Variants in ZBTB40 observed in about 807,000 individuals in gnomAD.
ZBTB40 encodes the protein zinc finger and BTB domain-containing protein 40.
Under a neutral mutation model 117.5 loss-of-function variants are expected in ZBTB40, and 60 were observed. The observed-to-expected ratio is 0.51, with a 90% confidence interval of 0.41 to 0.63. ZBTB40 has a LOEUF of 0.63. ZBTB40 is among the 30% of genes least tolerant of loss of function. ZBTB40 has a pLI of 0.00. For synonymous variants in ZBTB40, 525 were observed against 577.1 expected, an observed-to-expected ratio of 0.91 and a Z score of 1.29; for missense variants, 1,287 against 1,498.5, an observed-to-expected ratio of 0.86 and a Z score of 2.33.
intron 5 of ZBTB40, among the ~76,000 whole-genome samples, chr1:22,502,646 A>AATGG (rs376269824): frequency 7.0e-4 from 107 of 152,022 alleles, no homozygotes; most frequent in Admixed American, 2.0e-3. Context: ...CCATAAGGAA[A>AATGG]ATGGATGGAT....
At chr1:22,479,218 A>G (rs773809489) in intron 1 of ZBTB40, among the ~76,000 whole-genome samples, 23 of 152,222 alleles carry the variant, frequency 1.5e-4, no homozygotes, top group Non-Finnish European at 2.6e-4. Flanking sequence ...TGGTCACTCA[A>G]CGTTCTCACC....
rs144596481 is a variant in ZBTB40 at position 22,459,435 on chromosome 1, G to C, written c.-70+7431G>C. Among the ~76,000 whole-genome samples the C allele has an allele frequency of 9.7e-3, 1,475 of 152,304 alleles. 29 individuals are homozygous for C. The highest frequency in any genetic ancestry group is 0.034 in the African/African-American group (1,393 of 41,560). ...TTATCTTTATCCCAATGGCCAGTCAGTTGTCTCAACAGTACTTATTAAAAA... is the reference window on the plus strand; with the variant it reads ...TTATCTTTATCCCAATGGCCAGTCACTTGTCTCAACAGTACTTATTAAAAA... On this transcript the variant is annotated intron_variant, in intron 1 of 17. Coordinates refer to ENST00000375647, the MANE Select transcript of ZBTB40 (RefSeq NM_014870.4).
chr1:22,491,288 A>C (rs959081537), intron 2 of ZBTB40, 112 bp from the exon 3 acceptor site: 26 of 1,032,920 alleles, frequency 2.5e-5, no homozygotes, highest in Non-Finnish European at 3.1e-5. Context: ...TGTGCTAGAC[A>C]GAGATCAGTT....
chr1:22,506,734 C>T (rs1397136364), intron 6 of ZBTB40, among the ~76,000 whole-genome samples: 2 of 152,176 alleles, frequency 1.3e-5, no homozygotes, highest in Non-Finnish European at 2.9e-5. Context: ...CTCAAGCCAA[C>T]TCTTCCCTGT....
intron 3 of ZBTB40, among the ~76,000 whole-genome samples, chr1:22,497,022 A>G (rs115095313): frequency 6.6e-6 from 1 of 152,192 alleles, no homozygotes; most frequent in Non-Finnish European, 1.5e-5. Context: ...CAAGAATGCA[A>G]ATGCTGAAGA....
At chr1:22,510,220 G>T (rs1569867636) in intron 9 of ZBTB40, among the ~76,000 whole-genome samples, 2 of 152,210 alleles carry the variant, frequency 1.3e-5, no homozygotes, top group Admixed American at 1.3e-4. Flanking sequence ...GTGCCCTTTT[G>T]ATTCAGGTAG....
intron 1 of ZBTB40, among the ~76,000 whole-genome samples, chr1:22,474,943 T>TAAAAA (rs57704010): frequency 9.8e-4 from 139 of 141,168 alleles, no homozygotes; most frequent in African/African-American, 3.0e-3. Flanking sequence ...GTACCAACAA[T>TAAAAA]AAAAAAAAAA....
At chr1:22,519,836 G>C (rs1319290288) in intron 13 of ZBTB40, 3 of 609,476 alleles carry the variant, frequency 4.9e-6, no homozygotes, top group Non-Finnish European at 8.9e-6. Flanking sequence ...GAGACAGTTA[G>C]TCTTGAAACC....
upstream of ZBTB40, among the ~76,000 whole-genome samples, chr1:22,448,411 C>A (rs1305026403): frequency 1.3e-5 from 2 of 152,160 alleles, no homozygotes; most frequent in Non-Finnish European, 2.9e-5. Context: ...TGATACGTTG[C>A]TGCTAAGTGC....
intron 1 of ZBTB40, among the ~76,000 whole-genome samples, chr1:22,457,549 C>T (rs1413744443): frequency 6.6e-6 from 1 of 152,158 alleles, no homozygotes; most frequent in Non-Finnish European, 1.5e-5. Flanking sequence ...GCTGCAGGCA[C>T]TAGCGTGGTT....
At chr1:22,514,503 G>A (rs968034672) in intron 12 of ZBTB40, among the ~76,000 whole-genome samples, 5 of 152,032 alleles carry the variant, frequency 3.3e-5, no homozygotes, top group African/African-American at 9.7e-5. Context: ...CCTCAGGCCC[G>A]CAGGCACCTG....
At chr1:22,515,029 A>G (rs1362015868) in intron 12 of ZBTB40, among the ~76,000 whole-genome samples, 2 of 152,238 alleles carry the variant, frequency 1.3e-5, no homozygotes, top group Non-Finnish European at 2.9e-5. Flanking sequence ...AAGAAGCATA[A>G]AGCAGGGTAC....
intron 1 of ZBTB40, among the ~76,000 whole-genome samples, chr1:22,486,717 TTTTTGTTTTGTTTTG>T (rs199723095): frequency 3.4e-4 from 5 of 14,786 alleles, no homozygotes; most frequent in South Asian, 4.4e-3. Flanking sequence ...TCATACATTT[TTTTTGTTTTGTTTTG>T]TTTTGTTTTG....
chr1:22,520,282 T>G lies in ZBTB40; in HGVS notation c.3048+7T>G, dbSNP rs201836711. Reference sequence around the variant, plus strand: ...CTGCAACAAGGCCTACCAGGTGACCTCAGGTGCCACTGGGAGCTCTTCCCC... The same window carrying G: ...CTGCAACAAGGCCTACCAGGTGACCGCAGGTGCCACTGGGAGCTCTTCCCC... On this transcript the variant is annotated splice_region_variant and intron_variant, in intron 14 of 17. Coordinates refer to ENST00000375647, the MANE Select transcript of ZBTB40 (RefSeq NM_014870.4). 6.0e-5 allele frequency: 96 copies of G among 1,608,348 alleles called. No homozygotes were observed. The highest frequency in any genetic ancestry group is 2.3e-4 in the Admixed American group (14 of 60,010).
chr1:22,491,700 T>C lies in ZBTB40; in HGVS notation c.831+167T>C, dbSNP rs185984370. 1.8e-4 allele frequency among the ~76,000 whole-genome samples: 28 copies of C among 152,168 alleles called. No individual in the cohort carries two copies. The East Asian group carries it at 5.2e-3, about 28-fold the overall frequency. ...CTAAAGGGCAGTCTTGCAAAAGTAC[T>C]TAGGCAGGATACTTTCAAAATGACA... On this transcript the variant is annotated intron_variant, in intron 3 of 17. Coordinates refer to ENST00000375647, the MANE Select transcript of ZBTB40 (RefSeq NM_014870.4).
intron 1 of ZBTB40, among the ~76,000 whole-genome samples, chr1:22,431,259 T>TATATATTGA (rs1383013936): frequency 1.4e-5 from 2 of 146,810 alleles, no homozygotes; most frequent in African/African-American, 5.0e-5. Flanking sequence ...TACAATATTG[T>TATATATTGA]ATATATTGAA....
intron 5 of ZBTB40, among the ~76,000 whole-genome samples, chr1:22,504,335 G>C (rs1390963375): frequency 1.3e-5 from 2 of 151,792 alleles, no homozygotes; most frequent in African/African-American, 2.4e-5. Flanking sequence ...ACTGGAAACA[G>C]AAAAAAAAGG....
chr1:22,494,631 T>C (rs1638725374), intron 3 of ZBTB40, among the ~76,000 whole-genome samples: 1 of 152,228 alleles, frequency 6.6e-6, no homozygotes. Flanking sequence ...GCAGATGTCA[T>C]AATGTCTGTG....
At chr1:22,468,543 A>G (rs1304940147) in intron 1 of ZBTB40, among the ~76,000 whole-genome samples, 1 of 119,430 alleles carries the variant, frequency 8.4e-6, no homozygotes, top group East Asian at 2.5e-4. Context: ...TGACACAATC[A>G]TGGCTCACTG....
Sources: gnomAD v4.1 joint callset for allele counts (sites outside exome capture counted in the v4.1 genomes callset) on GRCh38, gnomAD v4.1.1 for gene constraint, MANE v1.5 for transcripts, NCBI Gene and HGNC (gene_info 2026-07-23, HGNC 2026-07-21) for gene names.